RAB23: variants seen among roughly 807,000 people sequenced by gnomAD.
RAB23 encodes the protein RAB23, member RAS oncogene family, also known as ras-related protein Rab-23.
RAB23 carries 15 observed loss-of-function variants against 30.0 expected under a neutral mutation model. The observed-to-expected ratio is 0.50, with a 90% CI of 0.33 to 0.77. RAB23 has a LOEUF of 0.77. Ranked by LOEUF, RAB23 falls within the 30% of genes least tolerant of loss-of-function variation. The pLI is 0.02. For missense variants in RAB23, 243 were observed against 275.4 expected (o/e 0.88, Z 0.83); for synonymous variants, 93 against 94.0 (o/e 0.99, Z 0.06).
At position 57,188,755 on chromosome 6, in the gene RAB23, ATCATT is replaced by A. The variant is rs1764713992; in HGVS notation, c.*1701_*1705del. The A allele has an allele frequency of 6.6e-6, 1 of 152,214 alleles. No individual in the cohort carries two copies. Among genetic ancestry groups the A allele is most frequent in the African/African-American group, 2.4e-5 (1 of 41,462 alleles). The allele number at this position is 152,214 out of a possible 1,614,324, so 9.4% of individuals were successfully genotyped here. A position where few individuals can be genotyped will look rare whatever the true frequency, so the allele number is the denominator to read the frequency against. On this transcript the variant is annotated 3_prime_UTR_variant, in exon 7 of 7. Coordinates refer to ENST00000468148, the MANE Select transcript of RAB23 (RefSeq NM_016277.5). Reference sequence around the variant, plus strand: ...ATTACTGTGAAATAGATAATGCCAGATCATTTCAATATAATGAAAAGCAAAAATTT... The same window carrying A: ...ATTACTGTGAAATAGATAATGCCAGATCAATATAATGAAAAGCAAAAATTT...
chr6:57,215,060 C>T (rs766238448), intron 1 of RAB23, among the ~76,000 whole-genome samples: 1 of 152,034 alleles, frequency 6.6e-6, no homozygotes, highest in Non-Finnish European at 1.5e-5. Flanking sequence ...ATATGTTCAA[C>T]GGCAGAATAG....
chr6:57,194,682 TTATAAA>T (rs1476540528), intron 5 of RAB23, 82 bp downstream of exon 5: 27 of 1,001,614 alleles, frequency 2.7e-5, no homozygotes, highest in Middle Eastern at 3.0e-4. Context: ...CTTGTTCTCG[TTATAAA>T]TATAATTTCT....
chr6:57,199,654 TC>T (rs1455873759), intron 3 of RAB23, among the ~76,000 whole-genome samples: 12 of 152,072 alleles, frequency 7.9e-5, no homozygotes, highest in Admixed American at 7.9e-4. Flanking sequence ...CAAAAATAAG[TC>T]CTAAGAAGAT....
chr6:57,207,598 C>A, intron 3 of RAB23, 30 bp downstream of exon 3: 1 of 1,508,314 alleles, frequency 6.6e-7, no homozygotes, highest in East Asian at 2.3e-5. Flanking sequence ...TATGCCCAAA[C>A]AAAATAAATA....
At chr6:57,196,643 T>C (rs756308347) in intron 3 of RAB23, 37 bp from the exon 4 acceptor site, 2 of 1,593,894 alleles carry the variant, frequency 1.3e-6, no homozygotes, top group Admixed American at 3.5e-5. Flanking sequence ...TCAATCAAGG[T>C]ATTTACATTA....
At chr6:57,198,695 A>G (rs574634830) in intron 3 of RAB23, among the ~76,000 whole-genome samples, 3 of 151,762 alleles carry the variant, frequency 2.0e-5, no homozygotes, top group East Asian at 1.9e-4. Flanking sequence ...AAAAAAAAAA[A>G]TTTGTTCTTT....
At chr6:57,195,396 G>A (rs761459916) in intron 4 of RAB23, among the ~76,000 whole-genome samples, 4 of 152,136 alleles carry the variant, frequency 2.6e-5, no homozygotes, top group Admixed American at 6.5e-5. Context: ...ATTCCTGGTT[G>A]TGGACTCCTG....
chr6:57,216,144 G>A (rs573611507), intron 1 of RAB23, among the ~76,000 whole-genome samples: 7 of 152,300 alleles, frequency 4.6e-5, no homozygotes, highest in South Asian at 2.1e-4. Flanking sequence ...CAGTAACAGC[G>A]TACAGGTTTG....
intron 3 of RAB23, among the ~76,000 whole-genome samples, chr6:57,206,844 A>C (rs1340684260): frequency 1.3e-5 from 2 of 152,258 alleles, no homozygotes; most frequent in East Asian, 1.9e-4. Context: ...GATAATCAGT[A>C]TATCAGTTGT....
At chr6:57,209,438 A>G (rs927170628) in intron 2 of RAB23, among the ~76,000 whole-genome samples, 1 of 152,214 alleles carries the variant, frequency 6.6e-6, no homozygotes, top group Non-Finnish European at 1.5e-5. Context: ...TTGCTCTTAA[A>G]ATATGTTCTA....
chr6:57,218,108 G>A (rs1765916030), intron 1 of RAB23, among the ~76,000 whole-genome samples: 1 of 152,132 alleles, frequency 6.6e-6, no homozygotes, highest in Non-Finnish European at 1.5e-5. Flanking sequence ...GAAATCTACA[G>A]GATCAGGCAG....
chr6:57,216,648 A>C (rs1038375840), intron 1 of RAB23, among the ~76,000 whole-genome samples: 2 of 152,012 alleles, frequency 1.3e-5, no homozygotes, highest in Non-Finnish European at 2.9e-5. Context: ...GGAATAAAAG[A>C]GTGGCTGCTC....
At chr6:57,200,267 G>A (rs563178943) in intron 3 of RAB23, among the ~76,000 whole-genome samples, 8 of 151,340 alleles carry the variant, frequency 5.3e-5, no homozygotes, top group East Asian at 3.9e-4. Flanking sequence ...GGCCGGGTGC[G>A]GTGGCTCATG....
rs1454427979 is a variant in RAB23, at chr6:57,190,129, T to G, written c.*332A>C. ...TTCCTTGATCCACAGTATTAAAATCTGTAACAATATATTTAGGCATTTCAT... is the reference window on the plus strand; with the variant it reads ...TTCCTTGATCCACAGTATTAAAATCGGTAACAATATATTTAGGCATTTCAT... On this transcript the variant is annotated 3_prime_UTR_variant, in exon 7 of 7. Coordinates refer to ENST00000468148, the MANE Select transcript of RAB23 (RefSeq NM_016277.5). 1 of 283,504 alleles carries G rather than the reference T, an allele frequency of 3.5e-6. No homozygotes were observed. Among genetic ancestry groups the G allele is most frequent in the Non-Finnish European group, 6.8e-6 (1 of 147,724 alleles). 17.6% of individuals were successfully genotyped at this position (283,504 alleles called of 1,614,324 possible).
At position 57,216,682 on chromosome 6, in the gene RAB23, C is replaced by T. The variant is rs112445112; in HGVS notation, c.-66+5044G>A. Among the ~76,000 whole-genome samples the T allele has an allele frequency of 3.1e-3, 476 of 151,918 alleles. 2 individuals are homozygous for T. Among genetic ancestry groups the T allele is most frequent in the South Asian group, 0.011 (55 of 4,810 alleles). On this transcript the variant is annotated intron_variant, in intron 1 of 6. Coordinates refer to ENST00000468148, the MANE Select transcript of RAB23 (RefSeq NM_016277.5). The stretch of plus-strand genomic sequence containing the variant: ...TCCATAGACAGAGCGGCCCTGAGGG[C>T]TGGTGGTTGGTTATTTTTATGGTTT...
chr6:57,191,277 C>T (rs1451003851), intron 6 of RAB23, among the ~76,000 whole-genome samples: 4 of 152,054 alleles, frequency 2.6e-5, no homozygotes, highest in East Asian at 1.9e-4. Context: ...CCCTAAGGTA[C>T]GCATGTTATT....
Position 57,190,725 on chromosome 6 carries a change from T to A in RAB23, c.575-125A>T, listed in dbSNP as rs558699998. 10 of 1,294,202 alleles carry A rather than the reference T, an allele frequency of 7.7e-6. No individual in the cohort carries two copies. The South Asian group carries it at 1.2e-4, about 16-fold the overall frequency. 80.2% of individuals were successfully genotyped at this position (1,294,202 alleles called of 1,614,324 possible). On this transcript the variant is annotated intron_variant, in intron 6 of 6. Coordinates refer to ENST00000468148, the MANE Select transcript of RAB23 (RefSeq NM_016277.5). ...CAGTTTCTCTAAAATTGTAGTAAAA[T>A]CCAACAAAATTTAGCATCTTAACCA...
chr6:57,212,659 A>C (rs1765696914), intron 1 of RAB23, among the ~76,000 whole-genome samples: 1 of 146,964 alleles, frequency 6.8e-6, no homozygotes, highest in South Asian at 2.2e-4. Flanking sequence ...AGGCAGGAGG[A>C]TTGCTTGAGG....
intron 1 of RAB23, among the ~76,000 whole-genome samples, chr6:57,216,930 G>T (rs1252785095): frequency 6.6e-6 from 1 of 152,124 alleles, no homozygotes; most frequent in Non-Finnish European, 1.5e-5. Context: ...GACAACCAGA[G>T]GTCACTTGCA....
Sources: gnomAD v4.1 joint callset for allele counts (sites outside exome capture counted in the v4.1 genomes callset) on GRCh38, gnomAD v4.1.1 for gene constraint, MANE v1.5 for transcripts, NCBI Gene and HGNC (gene_info 2026-07-23, HGNC 2026-07-21) for gene names.